CSMD1: variants seen among roughly 807,000 people sequenced by gnomAD.
The protein encoded by CSMD1 is CUB and sushi domain-containing protein 1.
A neutral mutation model predicts 417.5 loss-of-function variants in CSMD1; 213 were observed. The ratio of observed to expected loss-of-function variants is 0.51; its 90% confidence interval spans 0.46 to 0.57. The LOEUF (loss-of-function observed/expected upper bound fraction) is 0.57, where lower values mean the gene tolerates loss of function less well. Among genes scored for constraint, CSMD1 ranks in the 20% least tolerant of loss-of-function variants. CSMD1 has a pLI of 0.00. For synonymous variants in CSMD1, 2,862 were observed against 1,736.8 expected (o/e 1.65, Z -16.11); for missense variants, 6,923 against 4,529.7 (o/e 1.53, Z -15.17).
chr8:4,846,512 C>T (rs955858806), intron 1 of CSMD1, among the ~76,000 whole-genome samples: 9 of 152,188 alleles, frequency 5.9e-5, no homozygotes, highest in Admixed American at 1.3e-4. Context: ...CTCCCACAAC[C>T]GACATTGCTG....
intron 5 of CSMD1, among the ~76,000 whole-genome samples, chr8:3,790,031 G>C (rs56225787): frequency 4.6e-5 from 7 of 152,052 alleles, no homozygotes; most frequent in East Asian, 3.9e-4. Context: ...ATGCCCGGCC[G>C]ATCATGGTTA....
Position 4,146,765 on chromosome 8 carries a change from C to G in CSMD1, c.416-114666G>C, listed in dbSNP as rs1015902324. The stretch of plus-strand genomic sequence containing the variant: ...GAGCTGGGACTACAGGCGCCCGGCA[C>G]CAGACTCGACTAATTTTTTGTATTT... On this transcript the variant is annotated intron_variant, in intron 3 of 69. Transcript: ENST00000635120. Among the ~76,000 whole-genome samples, 11 of 149,496 alleles carry G rather than the reference C, an allele frequency of 7.4e-5. 1 individual carries two copies. Among genetic ancestry groups the G allele is most frequent in the African/African-American group, 2.3e-4 (9 of 39,288 alleles).
At chr8:4,455,251 C>G (rs929821621) in intron 2 of CSMD1, among the ~76,000 whole-genome samples, 1 of 151,928 alleles carries the variant, frequency 6.6e-6, no homozygotes, top group Non-Finnish European at 1.5e-5. Flanking sequence ...GGCCTTTTCC[C>G]CAGGTTAAAA....
chr8:4,518,791 G>C lies in CSMD1; in HGVS notation c.303-98726C>G, dbSNP rs1449180098. ...AATAATAAAATAAAATTTAAAAAAA[G>C]AGGAAAAATAGAATAATTAAAATAA... is the stretch of plus-strand genomic sequence containing the variant. On this transcript the variant is annotated intron_variant, in intron 2 of 69. Transcript: ENST00000635120. Among the ~76,000 whole-genome samples, 9 of 151,974 alleles carry C rather than the reference G, an allele frequency of 5.9e-5. No individual in the cohort carries two copies. In the South Asian group the frequency reaches 1.7e-3, roughly 28 times the overall value.
At chr8:3,888,925 C>T (rs540445910) in intron 5 of CSMD1, among the ~76,000 whole-genome samples, 11 of 152,104 alleles carry the variant, frequency 7.2e-5, no homozygotes, top group Admixed American at 6.6e-4. Flanking sequence ...ATCTTTATAC[C>T]ATTTAGGTTT....
chr8:3,932,049 G>T (rs897708684), intron 5 of CSMD1, among the ~76,000 whole-genome samples: 1 of 150,472 alleles, frequency 6.6e-6, no homozygotes, highest in African/African-American at 2.5e-5. Flanking sequence ...AATTTCATCA[G>T]AGAGTAGGAT....
At chr8:3,648,058 G>C (rs1445132170) in intron 7 of CSMD1, among the ~76,000 whole-genome samples, 1 of 152,232 alleles carries the variant, frequency 6.6e-6, no homozygotes, top group Admixed American at 6.5e-5. Context: ...CATGGTTGGA[G>C]ATGGAGGACA....
chr8:4,345,990 G>A (rs1056994217), intron 3 of CSMD1, among the ~76,000 whole-genome samples: 2 of 152,112 alleles, frequency 1.3e-5, no homozygotes, highest in Non-Finnish European at 2.9e-5. Flanking sequence ...TGGAATTTCA[G>A]TAGTTCACAT....
chr8:3,565,695 C>G (rs902635768), intron 10 of CSMD1, among the ~76,000 whole-genome samples: 3 of 152,162 alleles, frequency 2.0e-5, no homozygotes, highest in African/African-American at 7.2e-5. Context: ...GATTTTCTTG[C>G]AAGCATTAAG....
chr8:3,781,506 G>C (rs1799180148), intron 5 of CSMD1, among the ~76,000 whole-genome samples: 1 of 151,226 alleles, frequency 6.6e-6, no homozygotes, highest in South Asian at 2.1e-4. Context: ...CCTGAGTTAG[G>C]TGTGCGATTG....
intron 1 of CSMD1, among the ~76,000 whole-genome samples, chr8:4,769,454 T>A (rs1796494799): frequency 6.6e-6 from 1 of 152,178 alleles, no homozygotes; most frequent in South Asian, 2.1e-4. Flanking sequence ...TATCTGAAGA[T>A]CACTTATGAA....
intron 1 of CSMD1, among the ~76,000 whole-genome samples, chr8:4,920,338 G>C (rs1432703847): frequency 4.6e-5 from 7 of 152,256 alleles, no homozygotes; most frequent in East Asian, 1.9e-4. Context: ...AGGAAAATTA[G>C]AATATTAATA....
At chr8:3,738,047 A>G (rs1796612500) in intron 6 of CSMD1, among the ~76,000 whole-genome samples, 2 of 152,228 alleles carry the variant, frequency 1.3e-5, no homozygotes, top group Admixed American at 1.3e-4. Context: ...TGGTGTCTGT[A>G]AGTTTCAAAC....
chr8:4,765,006 C>G (rs1246209273), intron 1 of CSMD1, among the ~76,000 whole-genome samples: 1 of 151,374 alleles, frequency 6.6e-6, no homozygotes, highest in African/African-American at 2.4e-5. Flanking sequence ...CCTGGAATGG[C>G]TATTTCTTGT....
chr8:4,031,350 G>C (rs137995418), intron 4 of CSMD1, among the ~76,000 whole-genome samples: 1 of 152,192 alleles, frequency 6.6e-6, no homozygotes, highest in Non-Finnish European at 1.5e-5. Context: ...AAGGCAAGGA[G>C]GAGCACATCA....
intron 18 of CSMD1, 34 bp downstream of exon 18, chr8:3,387,460 C>G (rs886911585): frequency 1.9e-6 from 3 of 1,553,134 alleles, no homozygotes; most frequent in Admixed American, 1.9e-5. Flanking sequence ...TCTGCACACC[C>G]TGCTGGTGCA....
At chr8:4,906,989 A>G (rs1805324768) in intron 1 of CSMD1, among the ~76,000 whole-genome samples, 1 of 152,254 alleles carries the variant, frequency 6.6e-6, no homozygotes, top group Non-Finnish European at 1.5e-5. Context: ...AATTGTACTT[A>G]TTCAAGACTT....
rs571618285 is a variant in CSMD1, at chr8:4,812,090, C to A, written c.86-174532G>T. ...TTGGCTTTGACATCATCGAAAATTC[C>A]TACGCAGCTGGACAGGAGTCTCAGG... On this transcript the variant is annotated intron_variant, in intron 1 of 69. Coordinates refer to ENST00000635120, the MANE Select transcript of CSMD1 (RefSeq NM_033225.6). Among the ~76,000 whole-genome samples, 3 of 152,276 alleles carry A rather than the reference C, an allele frequency of 2.0e-5. No individual in the cohort carries two copies. In the East Asian group the frequency reaches 5.8e-4, roughly 29 times the overall value.
At chr8:3,306,956 T>C (rs1276607482) in intron 25 of CSMD1, among the ~76,000 whole-genome samples, 2 of 152,182 alleles carry the variant, frequency 1.3e-5, no homozygotes, top group Non-Finnish European at 2.9e-5. Flanking sequence ...CATCATTTTC[T>C]GAAATTTGCA....
Sources: allele counts gnomAD v4.1 joint callset (sites outside exome capture counted in the v4.1 genomes callset), GRCh38; gene constraint gnomAD v4.1.1; transcripts MANE v1.5; gene names NCBI Gene and HGNC (gene_info 2026-07-23, HGNC 2026-07-21).